Variants in RORA observed in about 807,000 individuals in gnomAD.
RORA encodes the protein RAR related orphan receptor A, also known as nuclear receptor ROR-alpha.
RORA carries 7 observed loss-of-function variants against 69.5 expected under a neutral mutation model. The ratio of observed to expected loss-of-function variants is 0.10; its 90% CI spans 0.06 to 0.19. RORA has a LOEUF of 0.19. Among genes scored for constraint, RORA ranks in the 10% least tolerant of loss-of-function variants. The pLI, the probability that RORA is intolerant of heterozygous loss-of-function variation, is 1.00. For missense variants in RORA, 457 were observed against 663.0 expected, an observed-to-expected ratio of 0.69 and a Z score of 3.41; for synonymous variants, 261 against 240.8, an observed-to-expected ratio of 1.08 and a Z score of -0.78.
At chr15:61,172,768 G>A (rs1231955408) in intron 1 of RORA, among the ~76,000 whole-genome samples, 1 of 152,106 alleles carries the variant, frequency 6.6e-6, no homozygotes, top group Non-Finnish European at 1.5e-5. Context: ...ATCATTTCCA[G>A]GGTAAATCAC....
intron 1 of RORA, among the ~76,000 whole-genome samples, chr15:61,116,268 G>A (rs2079049958): frequency 6.6e-6 from 1 of 152,176 alleles, no homozygotes; most frequent in African/African-American, 2.4e-5. Flanking sequence ...TCAACCAAGA[G>A]ATGACTCCTG....
intron 2 of RORA, among the ~76,000 whole-genome samples, chr15:60,665,764 T>G (rs962636288): frequency 2.0e-5 from 3 of 152,078 alleles, no homozygotes; most frequent in Non-Finnish European, 2.9e-5. Flanking sequence ...AACCTCCATC[T>G]CCCGGGTTCA....
At chr15:61,044,536 C>T (rs814300) in intron 1 of RORA, among the ~76,000 whole-genome samples, 1 of 152,150 alleles carries the variant, frequency 6.6e-6, no homozygotes, top group Non-Finnish European at 1.5e-5. Flanking sequence ...AATTTTTTTA[C>T]ATGAATTACA....
chr15:60,769,905 T>C (rs1460540850), intron 1 of RORA, among the ~76,000 whole-genome samples: 2 of 152,234 alleles, frequency 1.3e-5, no homozygotes, highest in Non-Finnish European at 2.9e-5. Flanking sequence ...GTTCCTCTTC[T>C]ACTAAATTAT....
chr15:60,622,659 A>T (rs1470978626), intron 2 of RORA, among the ~76,000 whole-genome samples: 1 of 152,202 alleles, frequency 6.6e-6, no homozygotes, highest in South Asian at 2.1e-4. Context: ...ATACCAAGAT[A>T]CCAATGCCTT....
At chr15:60,517,912 A>G (rs183084705) in intron 3 of RORA, among the ~76,000 whole-genome samples, 3 of 152,192 alleles carry the variant, frequency 2.0e-5, no homozygotes, top group African/African-American at 7.2e-5. Flanking sequence ...CTGCCATGCT[A>G]TTTCCTAGAT....
At chr15:61,098,040 T>C (rs2078817362) in intron 1 of RORA, among the ~76,000 whole-genome samples, 1 of 148,254 alleles carries the variant, frequency 6.7e-6, no homozygotes, top group South Asian at 2.1e-4. Context: ...CTTCCATCTT[T>C]CCTTCCTTCC....
intron 2 of RORA, among the ~76,000 whole-genome samples, chr15:60,617,163 A>C (rs974766475): frequency 1.3e-5 from 2 of 152,130 alleles, no homozygotes; most frequent in Non-Finnish European, 2.9e-5. Flanking sequence ...TAGGACAGGG[A>C]GTGTATCTGT....
chr15:60,848,433 T>C (rs1333113646), intron 1 of RORA: 1 of 151,840 alleles, frequency 6.6e-6, no homozygotes, highest in East Asian at 1.9e-4. Context: ...GAAGCAGAAA[T>C]TGGAGAGATG....
chr15:60,642,148 C>T (rs1458382645), intron 2 of RORA, among the ~76,000 whole-genome samples: 2 of 151,912 alleles, frequency 1.3e-5, no homozygotes, highest in African/African-American at 2.4e-5. Context: ...GCTCTGTGCA[C>T]GTGAGACCAC....
intron 2 of RORA, chr15:60,614,766 T>A (rs577032328): frequency 4.0e-6 from 3 of 743,928 alleles, no homozygotes; most frequent in African/African-American, 3.5e-5. Flanking sequence ...TCTCAAGAAA[T>A]AGGATACTTA....
In RORA at chr15:60,511,119, G is replaced by T; in HGVS notation, c.820+107C>A. ...AAAATTAAGTGGCCCAAATGGTAAA[G>T]GTGAATTGCATCATTTAGCAGAACT... On this transcript the variant is annotated intron_variant, in intron 5 of 10. Coordinates refer to ENST00000335670, the MANE Select transcript of RORA (RefSeq NM_134261.3). The surrounding 1 kb of genome is among the most constrained non-coding windows in gnomAD (Gnocchi z 6.4). 1.6e-6 allele frequency: 2 copies of T among 1,259,728 alleles called. No homozygotes were observed. Among genetic ancestry groups the T allele is most frequent in the Non-Finnish European group, 2.2e-6 (2 of 908,826 alleles). The allele number at this position is 1,259,728 out of a possible 1,614,324, so 78.0% of individuals were successfully genotyped here.
At chr15:61,014,015 C>T (rs992902144) in intron 1 of RORA, among the ~76,000 whole-genome samples, 10 of 152,046 alleles carry the variant, frequency 6.6e-5, no homozygotes, top group African/African-American at 2.2e-4. Context: ...GATCTCCTGA[C>T]ATTGTGATCT....
chr15:60,540,586 C>T (rs1032936145), intron 2 of RORA, among the ~76,000 whole-genome samples: 12 of 129,792 alleles, frequency 9.2e-5, no homozygotes, highest in African/African-American at 2.6e-4. Context: ...CAAAACTGTG[C>T]GGTCACAAAA....
At chr15:61,201,936 C>G (rs564454897) in intron 1 of RORA, among the ~76,000 whole-genome samples, 1 of 151,642 alleles carries the variant, frequency 6.6e-6, no homozygotes, top group Non-Finnish European at 1.5e-5. Context: ...CTATTAGATT[C>G]GATGTAATAT....
chr15:60,739,570 CA>C (rs34191182), intron 1 of RORA, among the ~76,000 whole-genome samples: 3,266 of 140,738 alleles, frequency 0.023, 119 homozygotes, highest in African/African-American at 0.078. Flanking sequence ...GACCTTGTCG[CA>C]AAAAAAAAAA....
chr15:60,622,475 G>A (rs964070512), intron 2 of RORA, among the ~76,000 whole-genome samples: 12 of 151,838 alleles, frequency 7.9e-5, no homozygotes, highest in South Asian at 4.2e-4. Context: ...AGCTGGGCAT[G>A]GTGATGTGTG....
chr15:60,949,522 A>G (rs1893015673), intron 1 of RORA, among the ~76,000 whole-genome samples: 1 of 152,216 alleles, frequency 6.6e-6, no homozygotes, highest in Non-Finnish European at 1.5e-5. Flanking sequence ...GTGTGTGGAC[A>G]CAAAGTACAA....
At chr15:61,159,930 A>T (rs1383219251) in intron 1 of RORA, among the ~76,000 whole-genome samples, 1 of 152,228 alleles carries the variant, frequency 6.6e-6, no homozygotes, top group Non-Finnish European at 1.5e-5. Flanking sequence ...ATGATAAAAG[A>T]AAATTCCCAC....
Sources: gnomAD v4.1 joint callset for allele counts (sites outside exome capture counted in the v4.1 genomes callset) on GRCh38, gnomAD v4.1.1 for gene constraint, Gnocchi (gnomAD v3.1) non-coding constraint, MANE v1.5 for transcripts, NCBI Gene and HGNC (gene_info 2026-07-23, HGNC 2026-07-21) for gene names.